The following PDSS2 variants were observed in gnomAD, a reference collection of about 807,000 sequenced individuals.
The protein encoded by PDSS2 is all trans-polyprenyl-diphosphate synthase PDSS2.
A neutral mutation model predicts 44.5 loss-of-function variants in PDSS2; 31 were observed. The ratio of observed to expected loss-of-function variants is 0.70; its 90% CI spans 0.52 to 0.94. The LOEUF (loss-of-function observed/expected upper bound fraction) is 0.94. PDSS2 is among the 40% of genes least tolerant of loss of function. PDSS2 has a pLI of 0.00. For synonymous variants in PDSS2, 157 were observed against 180.3 expected, an observed-to-expected ratio of 0.87 and a Z score of 1.03; for missense variants, 452 against 482.2, an observed-to-expected ratio of 0.94 and a Z score of 0.59.
intron 1 of PDSS2, among the ~76,000 whole-genome samples, chr6:107,374,531 C>T (rs1779224722): frequency 6.6e-6 from 1 of 152,152 alleles, no homozygotes; most frequent in Admixed American, 6.5e-5. Flanking sequence ...AATCCATGTG[C>T]TTAACACTTA....
At chr6:107,411,876 CTTCTTTT>C (rs1434627875) in intron 1 of PDSS2, among the ~76,000 whole-genome samples, 12 of 108,714 alleles carry the variant, frequency 1.1e-4, no homozygotes, top group Non-Finnish European at 2.0e-4. Flanking sequence ...ACTTCTTCTT[CTTCTTTT>C]TTTTTTTTTT....
At chr6:107,239,454 T>A (rs945430853) in intron 4 of PDSS2, among the ~76,000 whole-genome samples, 2 of 152,140 alleles carry the variant, frequency 1.3e-5, no homozygotes, top group South Asian at 2.1e-4. Context: ...TAAATCAATA[T>A]GCAAAGTGTT....
chr6:107,228,987 G>C (rs552512103), intron 4 of PDSS2, among the ~76,000 whole-genome samples: 2 of 152,094 alleles, frequency 1.3e-5, no homozygotes, highest in East Asian at 3.9e-4. Flanking sequence ...ACATGCCTTG[G>C]GTACAATGTG....
chr6:107,223,882 A>G (rs1189275302), intron 4 of PDSS2, among the ~76,000 whole-genome samples: 2 of 150,996 alleles, frequency 1.3e-5, no homozygotes, highest in East Asian at 1.9e-4. Flanking sequence ...ACTGGTACTA[A>G]TTCTGTGGCC....
chr6:107,439,636 C>T (rs1412798447), intron 1 of PDSS2, among the ~76,000 whole-genome samples: 1 of 152,132 alleles, frequency 6.6e-6, no homozygotes, highest in African/African-American at 2.4e-5. Flanking sequence ...CAGGGGTGAT[C>T]CTGAGAATCA....
At chr6:107,260,123 T>C (rs1305967230) in intron 3 of PDSS2, among the ~76,000 whole-genome samples, 1 of 152,098 alleles carries the variant, frequency 6.6e-6, no homozygotes, top group Non-Finnish European at 1.5e-5. Flanking sequence ...CACTTTAAAG[T>C]TTTCACAGTT....
chr6:107,198,214 G>T (rs1000528118), intron 6 of PDSS2, among the ~76,000 whole-genome samples: 1 of 151,998 alleles, frequency 6.6e-6, no homozygotes, highest in African/African-American at 2.4e-5. Flanking sequence ...TCTTAGCTTG[G>T]CCACTACCCT....
At chr6:107,349,997 C>T (rs1205825858) in intron 1 of PDSS2, among the ~76,000 whole-genome samples, 1 of 152,202 alleles carries the variant, frequency 6.6e-6, no homozygotes, top group South Asian at 2.1e-4. Context: ...CCCTGACTTT[C>T]ATGGCCTTTA....
rs1054379299 is a variant in PDSS2 at position 107,153,185 on chromosome 6, T to C, written c.*1434A>G. ...TAGGTAATAAAATCTGTTTGCTGTATTCGCTGTCTCCAGATAGGGCTGTAA... is the reference window on the plus strand; with the variant it reads ...TAGGTAATAAAATCTGTTTGCTGTACTCGCTGTCTCCAGATAGGGCTGTAA... On this transcript the variant is annotated 3_prime_UTR_variant, in exon 8 of 8. Coordinates refer to ENST00000369037, the MANE Select transcript of PDSS2 (RefSeq NM_020381.4). 1.3e-5 allele frequency: 2 copies of C among 152,632 alleles called. No individual in the cohort carries two copies. The highest frequency in any genetic ancestry group is 4.8e-5 in the African/African-American group (2 of 41,460). 9.5% of individuals were successfully genotyped at this position (152,632 alleles called of 1,614,324 possible). A position where few individuals can be genotyped will look rare whatever the true frequency, so the allele number is the denominator to read the frequency against.
chr6:107,334,721 A>C (rs1224307345), intron 1 of PDSS2, among the ~76,000 whole-genome samples: 8 of 151,458 alleles, frequency 5.3e-5, no homozygotes, highest in African/African-American at 1.5e-4. Context: ...AAAAAAAAAA[A>C]AAAAAACGTA....
chr6:107,207,526 A>G (rs971435912), intron 6 of PDSS2, among the ~76,000 whole-genome samples: 2 of 152,206 alleles, frequency 1.3e-5, no homozygotes, highest in Admixed American at 6.5e-5. Context: ...AGGCATTCAC[A>G]GAACAAGATG....
At chr6:107,252,429 T>C (rs912745160) in intron 3 of PDSS2, among the ~76,000 whole-genome samples, 2 of 152,174 alleles carry the variant, frequency 1.3e-5, no homozygotes, top group Admixed American at 6.6e-5. Context: ...CAATCTGTTC[T>C]AGTGAGCTGG....
At chr6:107,298,029 GCC>G (rs1326169412) in intron 2 of PDSS2, among the ~76,000 whole-genome samples, 2 of 152,186 alleles carry the variant, frequency 1.3e-5, no homozygotes, top group Non-Finnish European at 2.9e-5. Flanking sequence ...ACAGGTGTGA[GCC>G]ACTGCCCCAG....
intron 7 of PDSS2, among the ~76,000 whole-genome samples, chr6:107,167,652 T>A (rs1265638502): frequency 6.6e-6 from 1 of 152,232 alleles, no homozygotes; most frequent in Non-Finnish European, 1.5e-5. Flanking sequence ...GCTTTAAATG[T>A]GTCCCAGATA....
chr6:107,380,645 C>T (rs146567341), intron 1 of PDSS2, among the ~76,000 whole-genome samples: 197 of 152,306 alleles, frequency 1.3e-3, no homozygotes, highest in African/African-American at 4.4e-3. Context: ...TCTCCAGACA[C>T]TAGTCAATTA....
chr6:107,442,144 C>T (rs922271842), intron 1 of PDSS2, among the ~76,000 whole-genome samples: 3 of 152,124 alleles, frequency 2.0e-5, no homozygotes, highest in Admixed American at 6.5e-5. Context: ...TGGCTAGGCG[C>T]GGTGGCTCAC....
intron 7 of PDSS2, among the ~76,000 whole-genome samples, chr6:107,187,207 G>C (rs1482447939): frequency 2.0e-5 from 3 of 152,192 alleles, no homozygotes; most frequent in African/African-American, 7.2e-5. Flanking sequence ...AAGGCTGACA[G>C]GTCTGGATTA....
chr6:107,452,196 T>C (rs1462649848), intron 1 of PDSS2, among the ~76,000 whole-genome samples: 2 of 151,962 alleles, frequency 1.3e-5, no homozygotes, highest in South Asian at 2.1e-4. Flanking sequence ...ACAAGCTTTT[T>C]CCCCTATTTT....
rs146516119 is a variant in PDSS2, at chr6:107,235,568, C to T, written c.702+9980G>A. 2.8e-3 allele frequency among the ~76,000 whole-genome samples: 419 copies of T among 152,286 alleles called. 2 individuals are homozygous for T. The highest frequency in any genetic ancestry group is 9.1e-3 in the African/African-American group (378 of 41,568). ...CAAACTGTTTTCAGTAACTTAACTA[C>T]ATTCAAGAAGAAAGTTCAAGAATAT... On this transcript the variant is annotated intron_variant, in intron 4 of 7. Coordinates refer to ENST00000369037, the MANE Select transcript of PDSS2 (RefSeq NM_020381.4).
Sources: allele counts gnomAD v4.1 joint callset (sites outside exome capture counted in the v4.1 genomes callset), GRCh38; gene constraint gnomAD v4.1.1; transcripts MANE v1.5; gene names NCBI Gene and HGNC (gene_info 2026-07-23, HGNC 2026-07-21).